Variants in SUMF1 observed in about 807,000 individuals in gnomAD.
SUMF1 encodes sulfatase modifying factor 1.
Under a neutral mutation model 47.6 loss-of-function variants are expected in SUMF1, and 48 were observed. That is an observed-to-expected ratio of 1.01 (90% CI 0.80 to 1.28). SUMF1 has a LOEUF of 1.28. SUMF1 is among the 50% of genes most tolerant of loss of function. The pLI is 0.00. For synonymous variants in SUMF1, 230 were observed against 192.1 expected (o/e 1.20, Z -1.63); for missense variants, 571 against 485.4 (o/e 1.18, Z -1.66).
chr3:4,295,232 G>A (rs2125058687), intron 8 of SUMF1, among the ~76,000 whole-genome samples: 1 of 152,122 alleles, frequency 6.6e-6, no homozygotes, highest in East Asian at 1.9e-4. Context: ...GGCCTATATA[G>A]TTGCAGGAAC....
At chr3:4,319,141 C>T (rs935846019) in intron 8 of SUMF1, among the ~76,000 whole-genome samples, 1 of 152,204 alleles carries the variant, frequency 6.6e-6, no homozygotes. Context: ...GCAACAGGAA[C>T]TCTTCATTGT....
At chr3:4,071,458 C>A (rs576102427) in intron 8 of SUMF1, among the ~76,000 whole-genome samples, 1 of 152,330 alleles carries the variant, frequency 6.6e-6, no homozygotes, top group Non-Finnish European at 1.5e-5. Context: ...CTGCACCTTT[C>A]CCATGGTCTT....
intron 8 of SUMF1, among the ~76,000 whole-genome samples, chr3:4,178,323 T>C (rs1052151870): frequency 2.6e-5 from 4 of 152,124 alleles, no homozygotes; most frequent in East Asian, 1.9e-4. Context: ...TCCAGCAGCA[T>C]ATCAAAAAGC....
intron 8 of SUMF1, among the ~76,000 whole-genome samples, chr3:4,080,206 A>C (rs1342569389): frequency 1.3e-5 from 2 of 152,148 alleles, no homozygotes; most frequent in African/African-American, 4.8e-5. Flanking sequence ...GCACACGTAC[A>C]TTCCATTTGC....
At chr3:4,305,550 T>C (rs568715205) in intron 8 of SUMF1, among the ~76,000 whole-genome samples, 1 of 152,312 alleles carries the variant, frequency 6.6e-6, no homozygotes, top group South Asian at 2.1e-4. Flanking sequence ...GGATTCTCTA[T>C]AGAATGTGGA....
intron 8 of SUMF1, among the ~76,000 whole-genome samples, chr3:4,189,520 A>T (rs1396257036): frequency 1.3e-5 from 2 of 152,164 alleles, no homozygotes; most frequent in African/African-American, 4.8e-5. Flanking sequence ...GAACAAGATC[A>T]TGCTTAACCT....
intron 8 of SUMF1, among the ~76,000 whole-genome samples, chr3:4,227,640 T>C (rs1490765853): frequency 6.6e-6 from 1 of 152,136 alleles, no homozygotes; most frequent in African/African-American, 2.4e-5. Context: ...GAAACCTTAA[T>C]GGTCTCTAGC....
chr3:4,057,179 C>T (rs146905129), intron 9 of SUMF1, among the ~76,000 whole-genome samples: 1 of 152,204 alleles, frequency 6.6e-6, no homozygotes, highest in African/African-American at 2.4e-5. Flanking sequence ...AGGGTAGCAC[C>T]ACCAGCTGCA....
At chr3:4,187,605 T>C (rs966685734) in intron 8 of SUMF1, among the ~76,000 whole-genome samples, 1 of 152,054 alleles carries the variant, frequency 6.6e-6, no homozygotes, top group South Asian at 2.1e-4. Context: ...TTATTGAGGG[T>C]TTCCCAATAA....
At chr3:4,240,855 A>G (rs970284416) in intron 8 of SUMF1, among the ~76,000 whole-genome samples, 1 of 151,784 alleles carries the variant, frequency 6.6e-6, no homozygotes, top group African/African-American at 2.4e-5. Flanking sequence ...ATCAGAAAAA[A>G]ATTAAGATTT....
chr3:4,180,932 G>C (rs964232039), intron 8 of SUMF1, among the ~76,000 whole-genome samples: 1 of 152,152 alleles, frequency 6.6e-6, no homozygotes, highest in Non-Finnish European at 1.5e-5. Context: ...TTCTCTTTGA[G>C]AACACAAGGA....
chr3:4,180,215 A>C (rs1465205156), intron 8 of SUMF1, among the ~76,000 whole-genome samples: 1 of 152,188 alleles, frequency 6.6e-6, no homozygotes, highest in Non-Finnish European at 1.5e-5. Context: ...AAGGATTATA[A>C]ATCATGCTGC....
chr3:4,143,291 G>T (rs942407100), intron 8 of SUMF1, among the ~76,000 whole-genome samples: 1 of 152,062 alleles, frequency 6.6e-6, no homozygotes, highest in African/African-American at 2.4e-5. Flanking sequence ...CAGAAAAGTT[G>T]GTGCAAATTT....
At chr3:4,410,784 A>T in intron 7 of SUMF1, 81 bp downstream of exon 7, 1 of 1,255,054 alleles carries the variant, frequency 8.0e-7, no homozygotes, top group East Asian at 2.3e-5. Flanking sequence ...ACCCCTCGGA[A>T]ACACATGACA....
chr3:4,446,483 T>G (rs926763145), intron 3 of SUMF1, among the ~76,000 whole-genome samples: 8 of 152,210 alleles, frequency 5.3e-5, no homozygotes, highest in African/African-American at 1.9e-4. Flanking sequence ...ATCTTGGGCA[T>G]GTCTTTATTA....
At chr3:4,199,857 G>A (rs78679479) in intron 8 of SUMF1, among the ~76,000 whole-genome samples, 227 of 152,124 alleles carry the variant, frequency 1.5e-3, no homozygotes, top group Middle Eastern at 3.4e-3. Flanking sequence ...AGGTCTTTTC[G>A]TACCTGGACA....
At chr3:4,374,366 C>A (rs560704424) in intron 8 of SUMF1, among the ~76,000 whole-genome samples, 1 of 152,112 alleles carries the variant, frequency 6.6e-6, no homozygotes, top group South Asian at 2.1e-4. Context: ...AAAATCAGTA[C>A]CATGTAAGTG....
chr3:4,075,981 G>A (rs1692423685), intron 8 of SUMF1, among the ~76,000 whole-genome samples: 1 of 152,044 alleles, frequency 6.6e-6, no homozygotes, highest in Non-Finnish European at 1.5e-5. Context: ...AGAATTGGAA[G>A]TAAAGCTACT....
intron 8 of SUMF1, among the ~76,000 whole-genome samples, chr3:4,290,571 C>T (rs1697719758): frequency 6.6e-6 from 1 of 152,136 alleles, no homozygotes; most frequent in Admixed American, 6.5e-5. Flanking sequence ...CCTTCCCCTC[C>T]AGGTCTTCTG....
Sources: gnomAD v4.1 joint callset for allele counts (sites outside exome capture counted in the v4.1 genomes callset) on GRCh38, gnomAD v4.1.1 for gene constraint, MANE v1.5 for transcripts, NCBI Gene and HGNC (gene_info 2026-07-23, HGNC 2026-07-21) for gene names.